SLC22A24: variants seen among roughly 807,000 people sequenced by gnomAD.
SLC22A24 encodes the protein solute carrier family 22 member 24.
Under a neutral mutation model 49.8 loss-of-function variants are expected in SLC22A24, and 53 were observed. The ratio of observed to expected loss-of-function variants is 1.06; its 90% CI spans 0.85 to 1.34. The LOEUF (loss-of-function observed/expected upper bound fraction) is 1.34, where lower values mean the gene tolerates loss of function less well. Ranked by LOEUF, SLC22A24 falls within the 40% of genes most tolerant of loss-of-function variation. The pLI, the probability that SLC22A24 is intolerant of heterozygous loss-of-function variation, is 0.00. For synonymous variants in SLC22A24, 302 were observed against 256.4 expected (o/e 1.18, Z -1.70); for missense variants, 786 against 675.9 (o/e 1.16, Z -1.81).
intron 6 of SLC22A24, among the ~76,000 whole-genome samples, chr11:63,088,616 G>A (rs1236822179): frequency 6.6e-6 from 1 of 152,048 alleles, no homozygotes; most frequent in African/African-American, 2.4e-5. Context: ...CAGAAGGTGG[G>A]TAATAACTCC....
At position 63,081,632 on chromosome 11, in the gene SLC22A24, C is replaced by G; in HGVS notation, c.1320G>C (p.Leu440Phe). 1.3e-6 allele frequency: 2 copies of G among 1,551,550 alleles called. No individual in the cohort carries two copies. Residue 440 changes from leucine to phenylalanine, a missense_variant, in exon 8 of 10, where the codon TTG becomes TTC. Leu to Phe is a conservative substitution (Grantham distance 22). Transcript: ENST00000612278. ...TAGCAGCAGAAACACTACCAATTCC[C>G]AAAGTTGCTAAAACCACACGCAGGA... is the stretch of plus-strand genomic sequence containing the variant. ...MQILRVVLAT[L>F]GIGSVSAASN...
At chr11:63,118,384 G>C (rs1410259821) in intron 4 of SLC22A24, 3 of 156,444 alleles carry the variant, frequency 1.9e-5, no homozygotes, top group African/African-American at 7.2e-5. Flanking sequence ...AGTTCTGAAA[G>C]AGATGATTTT....
At chr11:63,115,548 C>T (rs963776200) in intron 4 of SLC22A24, among the ~76,000 whole-genome samples, 1 of 152,166 alleles carries the variant, frequency 6.6e-6, no homozygotes, top group African/African-American at 2.4e-5. Flanking sequence ...CGCCCTGCTT[C>T]AGCTCACCCT....
chr11:63,134,611 G>A (rs2087359603), intron 2 of SLC22A24, 54 bp downstream of exon 2: 1 of 1,023,260 alleles, frequency 9.8e-7, no homozygotes, highest in Non-Finnish European at 1.5e-6. Context: ...CTAAAATAAA[G>A]GAATGAATAT....
chr11:63,141,277 T>G (rs2134687604), intron 1 of SLC22A24, among the ~76,000 whole-genome samples: 1 of 152,316 alleles, frequency 6.6e-6, no homozygotes, highest in East Asian at 1.9e-4. Flanking sequence ...TTATGTAATG[T>G]TAAAAGATAA....
At chr11:63,118,824 G>C (rs984094379) in intron 4 of SLC22A24, 88 bp downstream of exon 4, 1 of 1,382,702 alleles carries the variant, frequency 7.2e-7, no homozygotes, top group African/African-American at 1.4e-5. Context: ...CTAGGCCAGA[G>C]ACCGAACAGA....
rs949964574 is a variant in SLC22A24, at chr11:63,123,094, A to G, written c.507-3759T>C. On this transcript the variant is annotated intron_variant, in intron 2 of 9. Transcript: ENST00000612278. ...GGAGGAAGGAGAAGAGGCAAAGAGA[A>G]CATCTAGAATGAAAAAGTTGTGTCA... Among the ~76,000 whole-genome samples the G allele has an allele frequency of 2.0e-5, 3 of 152,186 alleles. No homozygotes were observed. The East Asian group carries it at 5.8e-4, about 29-fold the overall frequency.
intron 4 of SLC22A24, among the ~76,000 whole-genome samples, chr11:63,108,418 C>T (rs1406862847): frequency 6.6e-6 from 1 of 152,062 alleles, no homozygotes; most frequent in Admixed American, 6.6e-5. Flanking sequence ...CTCTGCCTGG[C>T]ATTGGTATCA....
chr11:63,080,964 G>C lies in SLC22A24; in HGVS notation c.1554C>G (p.Thr518=), dbSNP rs1250850475. 16 of 1,552,580 alleles carry C rather than the reference G, an allele frequency of 1.0e-5. No homozygotes were observed. Among genetic ancestry groups the C allele is most frequent in the Non-Finnish European group, 1.4e-5 (16 of 1,147,564 alleles). Residue 518 remains threonine (T), a synonymous_variant, in exon 9 of 10, where the codon ACC becomes ACG. Coordinates refer to ENST00000612278, the MANE Select transcript of SLC22A24 (RefSeq NM_001136506.2). The part of the protein sequence containing the change: ...AVPVILLLPE[T]RDLPLPNTIQ... ...TGGTGTTAGGAAGAGGTAGATCCCTGGTTTCTGGAAGGAGGAGGATAACAG... is the reference window on the plus strand; with the variant it reads ...TGGTGTTAGGAAGAGGTAGATCCCTCGTTTCTGGAAGGAGGAGGATAACAG...
At chr11:63,120,553 G>A (rs1373191974) in intron 2 of SLC22A24, among the ~76,000 whole-genome samples, 1 of 151,968 alleles carries the variant, frequency 6.6e-6, no homozygotes, top group Non-Finnish European at 1.5e-5. Flanking sequence ...ATGAGGTAAG[G>A]CAGAGAATGA....
chr11:63,120,250 C>G (rs2087241920), intron 2 of SLC22A24, among the ~76,000 whole-genome samples: 1 of 137,698 alleles, frequency 7.3e-6, no homozygotes, highest in Admixed American at 8.5e-5. Flanking sequence ...GGGAATTGAA[C>G]AATGAGATCA....
Position 63,143,628 on chromosome 11 carries a change from A to T in SLC22A24, c.152T>A (p.Val51Asp), listed in dbSNP as rs1177558416. 6.3e-7 allele frequency: 1 copy of T among 1,591,564 alleles called. No homozygotes were observed. The highest frequency in any genetic ancestry group is 1.1e-5 in the South Asian group (1 of 87,096). The change falls in exon 1 of 10, where the codon GTC (valine) becomes GAC (aspartate). Residue 51 changes from valine (V) to aspartate (D), a missense_variant. By Grantham distance (152) the Val-to-Asp change is radical. Transcript: ENST00000612278. ...TAFTPSHRCW[V>D]PLLDNDTVSD... Reference sequence around the variant, plus strand: ...CACAGTGTCATTGTCCAGGAGGGGGACCCAGCAGCGATGACTAGGGGTGAA... The same window carrying T: ...CACAGTGTCATTGTCCAGGAGGGGGTCCCAGCAGCGATGACTAGGGGTGAA...
intron 4 of SLC22A24, among the ~76,000 whole-genome samples, chr11:63,104,954 T>C (rs1565328516): frequency 6.6e-6 from 1 of 152,176 alleles, no homozygotes; most frequent in Non-Finnish European, 1.5e-5. Context: ...TATGAGCCTA[T>C]AAAATCAAAA....
rs2087299375 is a variant in SLC22A24 at position 63,127,404 on chromosome 11, G to A, written c.506+7261C>T. On this transcript the variant is annotated intron_variant, in intron 2 of 9. Transcript: ENST00000612278. The stretch of plus-strand genomic sequence containing the variant: ...TGGTGGACATTTGGGTTGGTTCCAA[G>A]TCTTTGCTATTGTGAATAGTGCCAC... Among the ~76,000 whole-genome samples, 3 of 152,182 alleles carry A rather than the reference G, an allele frequency of 2.0e-5. No homozygotes were observed. In the South Asian group the frequency reaches 6.2e-4, roughly 32 times the overall value.
chr11:63,086,149 A>G (rs928561796), intron 6 of SLC22A24, among the ~76,000 whole-genome samples: 2 of 152,214 alleles, frequency 1.3e-5, no homozygotes, highest in African/African-American at 4.8e-5. Flanking sequence ...GGAATTTAAA[A>G]CAGAATTACC....
intron 2 of SLC22A24, among the ~76,000 whole-genome samples, chr11:63,126,676 T>C (rs4963370): frequency 0.8 from 120,990 of 152,144 alleles, 49,202 homozygotes; most frequent in East Asian, 0.9. Flanking sequence ...TTTAAAGCAG[T>C]TTTTTCCAAT....
chr11:63,117,866 T>C (rs1483953532), intron 4 of SLC22A24, among the ~76,000 whole-genome samples: 1 of 152,168 alleles, frequency 6.6e-6, no homozygotes, highest in Admixed American at 6.6e-5. Flanking sequence ...GATTTTTGAG[T>C]GCATGGGGTG....
chr11:63,081,931 G>A (rs1221494620), intron 7 of SLC22A24, among the ~76,000 whole-genome samples: 1 of 152,092 alleles, frequency 6.6e-6, no homozygotes, highest in Non-Finnish European at 1.5e-5. Flanking sequence ...GTGGGGGTAG[G>A]GACCAACAGG....
At chr11:63,080,349 T>C (rs2086952037) in intron 9 of SLC22A24, among the ~76,000 whole-genome samples, 1 of 152,240 alleles carries the variant, frequency 6.6e-6, no homozygotes, top group African/African-American at 2.4e-5. Context: ...CTCCTCAAAA[T>C]TTCTGTTGCC....
Sources: gnomAD v4.1 joint callset for allele counts (sites outside exome capture counted in the v4.1 genomes callset) on GRCh38, gnomAD v4.1.1 for gene constraint, MANE v1.5 for transcripts, NCBI Gene and HGNC (gene_info 2026-07-23, HGNC 2026-07-21) for gene names.